MTMR10: variants seen among roughly 807,000 people sequenced by gnomAD.
MTMR10 encodes the protein myotubularin related protein 10.
Under a neutral mutation model 88.1 loss-of-function variants are expected in MTMR10, and 56 were observed. The ratio of observed to expected loss-of-function variants is 0.64; its 90% CI spans 0.51 to 0.79. The LOEUF (loss-of-function observed/expected upper bound fraction) is 0.79. MTMR10 is among the 30% of genes least tolerant of loss of function. MTMR10 has a pLI of 0.00. For missense variants in MTMR10, 883 were observed against 924.7 expected, an observed-to-expected ratio of 0.95 and a Z score of 0.58; for synonymous variants, 380 against 340.9, an observed-to-expected ratio of 1.11 and a Z score of -1.26.
At chr15:30,967,691 A>T (rs2063488781) in intron 6 of MTMR10, among the ~76,000 whole-genome samples, 1 of 152,182 alleles carries the variant, frequency 6.6e-6, no homozygotes, top group Non-Finnish European at 1.5e-5. Flanking sequence ...AATATCTGAC[A>T]TAACTTATAA....
chr15:30,948,520 G>C lies in MTMR10; in HGVS notation c.1208-49C>G, dbSNP rs545156644. 1.3e-4 allele frequency: 198 copies of C among 1,527,872 alleles called. 2 individuals carry two copies. The South Asian group carries it at 2.2e-3, about 17-fold the overall frequency. The allele number at this position is 1,527,872 out of a possible 1,614,324, so 94.6% of individuals were successfully genotyped here. A position where few individuals can be genotyped will look rare whatever the true frequency, so the allele number is the denominator to read the frequency against. On this transcript the variant is annotated intron_variant, in intron 12 of 15. Coordinates refer to ENST00000435680, the MANE Select transcript of MTMR10 (RefSeq NM_017762.3). ...TGATTACAACATAGAAAAATGCTGA[G>C]AGAGAAAGGGAAGGAAAGGTAAACT... is the stretch of plus-strand genomic sequence containing the variant.
chr15:30,940,664 T>G lies in MTMR10; in HGVS notation c.*806A>C. ...GTGGAATCAGCACCCCAGAGGCCAC[T>G]CCCCAGTGGCTTTCAGAGGAACAAG... is the stretch of plus-strand genomic sequence containing the variant. On this transcript the variant is annotated 3_prime_UTR_variant, in exon 16 of 16. Coordinates refer to ENST00000435680, the MANE Select transcript of MTMR10 (RefSeq NM_017762.3). The G allele has an allele frequency of 1.0e-6, 1 of 986,630 alleles. No individual in the cohort carries two copies. Among genetic ancestry groups the G allele is most frequent in the Non-Finnish European group, 1.2e-6 (1 of 830,928 alleles). 61.1% of individuals were successfully genotyped at this position (986,630 alleles called of 1,614,324 possible).
chr15:30,923,401 T>A, the MTMR10 span, among the ~76,000 whole-genome samples: 1 of 152,156 alleles, frequency 6.6e-6, no homozygotes, highest in Admixed American at 6.5e-5. Flanking sequence ...GAGTACAGAT[T>A]TCCCCTCTGT....
chr15:30,928,160 A>G, the MTMR10 span: 46 of 1,012,848 alleles, frequency 4.5e-5, no homozygotes, highest in Non-Finnish European at 5.2e-5. Context: ...CTCCGGCATC[A>G]GGGCCTGCAT....
chr15:30,984,728 T>C (rs577390145), intron 2 of MTMR10, among the ~76,000 whole-genome samples: 1 of 152,162 alleles, frequency 6.6e-6, no homozygotes, highest in Non-Finnish European at 1.5e-5. Flanking sequence ...CATTATCTAA[T>C]AGTTAATCTC....
At chr15:30,937,474 CAG>C (rs1318688807), downstream of MTMR10, among the ~76,000 whole-genome samples, 3 of 111,584 alleles carry the variant, frequency 2.7e-5, no homozygotes, top group Non-Finnish European at 5.1e-5. Flanking sequence ...TTTTTTGAGA[CAG>C]AGTCTCGCTC....
At chr15:30,979,124 A>T (rs1441476302) in intron 2 of MTMR10, among the ~76,000 whole-genome samples, 2 of 152,182 alleles carry the variant, frequency 1.3e-5, no homozygotes, top group African/African-American at 4.8e-5. Flanking sequence ...GCCCTGTAAC[A>T]ATGACTTCTT....
intron 9 of MTMR10, among the ~76,000 whole-genome samples, chr15:30,956,919 A>C (rs541179743): frequency 6.6e-6 from 1 of 152,302 alleles, no homozygotes; most frequent in South Asian, 2.1e-4. Context: ...GTTAATTCCA[A>C]ATGGAGTTCA....
rs573830816 is a variant in MTMR10 at position 30,963,470 on chromosome 15, A to G, written c.566-2397T>C. 1.2e-3 allele frequency among the ~76,000 whole-genome samples: 189 copies of G among 151,334 alleles called. 1 individual carries two copies. The highest frequency in any genetic ancestry group is 2.7e-3 in the Admixed American group (41 of 15,244). On this transcript the variant is annotated intron_variant, in intron 6 of 15. Transcript: ENST00000435680. ...ACGGTGAAACCCTGTCTCTATTAAA[A>G]ATACTAAAAAAAAAAAAATAAGCCG...
downstream of MTMR10, chr15:30,937,364 G>C (rs1380718479): frequency 9.1e-7 from 1 of 1,093,232 alleles, no homozygotes; most frequent in Non-Finnish European, 1.3e-6. Context: ...CTGATAGTTT[G>C]ACTTGTCATT....
chr15:30,951,437 A>G (rs2063244377), intron 12 of MTMR10, among the ~76,000 whole-genome samples: 1 of 152,198 alleles, frequency 6.6e-6, no homozygotes, highest in African/African-American at 2.4e-5. Context: ...AATAGGAAGG[A>G]TAATTTAATA....
chr15:30,951,955 T>G lies in MTMR10; in HGVS notation c.1207+13A>C, dbSNP rs1595916235. On this transcript the variant is annotated intron_variant, in intron 12 of 15. Transcript: ENST00000435680. ...ATGGTGGTCATGGTGCTTTCAGGAG[T>G]TACTTTAGTTACCTTGTAGGACTAC... The G allele has an allele frequency of 6.2e-7, 1 of 1,607,532 alleles. No individual in the cohort carries two copies. The highest frequency in any genetic ancestry group is 8.5e-7 in the Non-Finnish European group (1 of 1,174,098).
At chr15:30,972,525 C>T (rs866421377) in intron 5 of MTMR10, among the ~76,000 whole-genome samples, 2 of 152,028 alleles carry the variant, frequency 1.3e-5, no homozygotes, top group Admixed American at 6.6e-5. Context: ...TTTGTGCAGA[C>T]GGTTTAGTAA....
intron 2 of MTMR10, among the ~76,000 whole-genome samples, chr15:30,979,728 C>A (rs1377213458): frequency 1.3e-5 from 2 of 152,200 alleles, no homozygotes; most frequent in African/African-American, 4.8e-5. Flanking sequence ...CATGGACAGC[C>A]CTTCTTCTCT....
chr15:30,948,725 T>C, intron 12 of MTMR10: 1 of 531,838 alleles, frequency 1.9e-6, no homozygotes, highest in Non-Finnish European at 3.3e-6. Context: ...ACTCATACTT[T>C]TTACATTCGA....
chr15:30,931,913 G>A, the MTMR10 span, among the ~76,000 whole-genome samples: 1 of 141,914 alleles, frequency 7.0e-6, no homozygotes, highest in Non-Finnish European at 1.5e-5. Context: ...CAAATTTTAA[G>A]TTTCCAAGAA....
At chr15:30,989,168 C>A (rs537098559) in intron 2 of MTMR10, among the ~76,000 whole-genome samples, 1 of 152,204 alleles carries the variant, frequency 6.6e-6, no homozygotes, top group South Asian at 2.1e-4. Flanking sequence ...AGCTCATAGG[C>A]ACTCATTCAA....
intron 2 of MTMR10, among the ~76,000 whole-genome samples, chr15:30,981,506 A>C (rs1245944960): frequency 6.6e-6 from 1 of 152,230 alleles, no homozygotes; most frequent in Non-Finnish European, 1.5e-5. Context: ...AAAACATCGG[A>C]CAAATCCAAA....
chr15:30,967,360 T>C (rs1232752897), intron 6 of MTMR10, among the ~76,000 whole-genome samples: 3 of 152,224 alleles, frequency 2.0e-5, no homozygotes, highest in East Asian at 1.9e-4. Flanking sequence ...CTGTCAGATA[T>C]ATAGACAAAA....
Sources: gnomAD v4.1 joint callset for allele counts (sites outside exome capture counted in the v4.1 genomes callset) on GRCh38, gnomAD v4.1.1 for gene constraint, MANE v1.5 for transcripts, NCBI Gene and HGNC (gene_info 2026-07-23, HGNC 2026-07-21) for gene names.